Variants in SELENOI observed in about 807,000 individuals in gnomAD.
The protein encoded by SELENOI is ethanolaminephosphotransferase 1.
SELENOI carries 24 observed loss-of-function variants against 50.7 expected under a neutral mutation model. The observed-to-expected ratio is 0.47, with a 90% confidence interval of 0.34 to 0.67. The LOEUF (loss-of-function observed/expected upper bound fraction) is 0.67. Ranked by LOEUF, SELENOI falls within the 30% of genes least tolerant of loss-of-function variation. The pLI, the probability that SELENOI is intolerant of heterozygous loss-of-function variation, is 0.01. For missense variants in SELENOI, 352 were observed against 461.4 expected (o/e 0.76, Z 2.17); for synonymous variants, 155 against 170.2 (o/e 0.91, Z 0.70).
At position 26,370,653 on chromosome 2, in the gene SELENOI, G is replaced by T. The variant is rs1244783022; in HGVS notation, c.311-2714G>T. Among the ~76,000 whole-genome samples the T allele has an allele frequency of 1.1e-4, 12 of 106,578 alleles. 3 individuals are homozygous for T. The East Asian group carries it at 2.0e-3, about 18-fold the overall frequency. The allele number at this position is 106,578 out of a possible 152,430, so 69.9% of individuals were successfully genotyped here. ...TCCCTCCCAGACGGGGCGGCTGGCCGGGCAGAGGGGCTCCTCACGTCCCAG... is the reference window on the plus strand; with the variant it reads ...TCCCTCCCAGACGGGGCGGCTGGCCTGGCAGAGGGGCTCCTCACGTCCCAG... On this transcript the variant is annotated intron_variant, in intron 4 of 9. Transcript: ENST00000260585.
chr2:26,375,471 A>C (rs867108929), intron 6 of SELENOI, among the ~76,000 whole-genome samples: 1 of 152,208 alleles, frequency 6.6e-6, no homozygotes, highest in Non-Finnish European at 1.5e-5. Context: ...ATTTATCTCA[A>C]AGTTGAAAAT....
rs1175873498 is a variant in SELENOI at position 26,391,597 on chromosome 2, G to T, written c.*2494G>T. On this transcript the variant is annotated 3_prime_UTR_variant, in exon 10 of 10. Transcript: ENST00000260585. ...AGCAATGCCATGATAAGGAGCATAC[G>T]TGCATGTTTTCCGTACTTTCAGAAT... 5 of 152,170 alleles carry T rather than the reference G, an allele frequency of 3.3e-5. No individual in the cohort carries two copies. Among genetic ancestry groups the T allele is most frequent in the Non-Finnish European group, 5.9e-5 (4 of 68,048 alleles). The allele number at this position is 152,170 out of a possible 1,614,324, so 9.4% of individuals were successfully genotyped here.
At chr2:26,381,198 CTTTTTTTTTT>C (rs57102834) in intron 6 of SELENOI, among the ~76,000 whole-genome samples, 52 of 30,200 alleles carry the variant, frequency 1.7e-3, no homozygotes, top group African/African-American at 7.0e-3. Context: ...TCAGTTTGGT[CTTTTTTTTTT>C]TTTTTTTTTT....
intron 1 of SELENOI, among the ~76,000 whole-genome samples, chr2:26,358,740 A>T (rs1350968759): frequency 6.6e-6 from 1 of 152,232 alleles, no homozygotes; most frequent in Non-Finnish European, 1.5e-5. Context: ...AAAACTTTAG[A>T]TGCAGTATCA....
intron 1 of SELENOI, among the ~76,000 whole-genome samples, chr2:26,347,422 G>T (rs1250582052): frequency 6.7e-6 from 1 of 149,476 alleles, no homozygotes; most frequent in East Asian, 2.0e-4. Context: ...AATGGATTTT[G>T]TTTAACTCGA....
intron 1 of SELENOI, among the ~76,000 whole-genome samples, chr2:26,357,647 C>T (rs966784523): frequency 2.0e-5 from 3 of 152,174 alleles, no homozygotes; most frequent in African/African-American, 7.2e-5. Context: ...CCAAGCTTGC[C>T]CTCCCTCTTC....
chr2:26,383,656 A>G (rs1677759039), intron 7 of SELENOI, among the ~76,000 whole-genome samples: 2 of 152,260 alleles, frequency 1.3e-5, no homozygotes, highest in African/African-American at 4.8e-5. Context: ...AGGTGGGCGG[A>G]TCACGAGGTC....
rs757002380 is a variant in SELENOI, at chr2:26,346,193, G to A, written c.-40G>A. On this transcript the variant is annotated 5_prime_UTR_variant, in exon 1 of 10. Transcript: ENST00000260585. ...GCTTGTGTGTCACAGCCTTGTAGCCGGGAGTCGCTGCCGAGTGGGCGCTCA... is the reference window on the plus strand; with the variant it reads ...GCTTGTGTGTCACAGCCTTGTAGCCAGGAGTCGCTGCCGAGTGGGCGCTCA... 7 of 1,613,256 alleles carry A rather than the reference G, an allele frequency of 4.3e-6. No homozygotes were observed. In the South Asian group the frequency reaches 4.4e-5, roughly 10 times the overall value.
At chr2:26,384,846 A>G in intron 7 of SELENOI, 113 bp from the exon 8 acceptor site, 1 of 697,024 alleles carries the variant, frequency 1.4e-6, no homozygotes, top group Non-Finnish European at 2.2e-6. Flanking sequence ...ATGCCACAAG[A>G]TTATTGTGAG....
chr2:26,371,430 A>G (rs1375342055), intron 4 of SELENOI, among the ~76,000 whole-genome samples: 2 of 152,076 alleles, frequency 1.3e-5, no homozygotes, highest in African/African-American at 4.8e-5. Context: ...GCGGCCGGGA[A>G]GAGGCGCTCC....
chr2:26,376,945 A>G (rs866922255), intron 6 of SELENOI, among the ~76,000 whole-genome samples: 28 of 151,936 alleles, frequency 1.8e-4, no homozygotes, highest in African/African-American at 5.8e-4. Flanking sequence ...TTCTCTTTTT[A>G]TCTTTGGCTT....
intron 6 of SELENOI, among the ~76,000 whole-genome samples, chr2:26,376,114 A>G (rs1257886132): frequency 2.0e-5 from 3 of 151,232 alleles, no homozygotes; most frequent in Non-Finnish European, 4.4e-5. Flanking sequence ...AAAAAAGAAT[A>G]AATAAAAAAT....
Position 26,367,202 on chromosome 2 carries a change from T to C in SELENOI, c.292T>C (p.Phe98Leu). 6.2e-7 allele frequency: 1 copy of C among 1,610,082 alleles called. No individual in the cohort carries two copies. Among genetic ancestry groups the C allele is most frequent in the Non-Finnish European group, 8.5e-7 (1 of 1,178,170 alleles). Residue 98 changes from phenylalanine (F) to leucine (L), a missense_variant, in exon 4 of 10, where the codon TTC (phenylalanine) becomes CTC (leucine). Phe to Leu is a conservative substitution (Grantham distance 22). Coordinates refer to ENST00000260585, the MANE Select transcript of SELENOI (RefSeq NM_033505.4). ...TTGGATTGTAGTGGGCATCCTCAACTTCGTAGCCTACACTCTAGGTAAGGA... is the reference window on the plus strand; with the variant it reads ...TTGGATTGTAGTGGGCATCCTCAACCTCGTAGCCTACACTCTAGGTAAGGA... ...WVWIVVGILNFVAYTLDGVDG... is the reference protein window; with the variant it reads ...WVWIVVGILNLVAYTLDGVDG...
intron 1 of SELENOI, among the ~76,000 whole-genome samples, chr2:26,362,861 C>T (rs964478409): frequency 2.6e-5 from 4 of 152,106 alleles, no homozygotes; most frequent in African/African-American, 7.2e-5. Context: ...TGTGAACCCT[C>T]AAGGAGGGTT....
chr2:26,363,156 T>G (rs1232400795), intron 1 of SELENOI, among the ~76,000 whole-genome samples: 1 of 152,238 alleles, frequency 6.6e-6, no homozygotes, highest in Admixed American at 6.5e-5. Context: ...CTGTCATTCC[T>G]TTGGTACTTA....
chr2:26,386,298 C>CT, intron 8 of SELENOI, 56 bp from the exon 9 acceptor site: 1 of 1,531,074 alleles, frequency 6.5e-7, no homozygotes, highest in South Asian at 1.2e-5. Context: ...TTTGGAAGTG[C>CT]TTTGCTAATG....
intron 4 of SELENOI, among the ~76,000 whole-genome samples, chr2:26,371,091 G>A (rs1300040683): frequency 6.8e-6 from 1 of 147,072 alleles, no homozygotes; most frequent in African/African-American, 2.5e-5. Context: ...CGGGGCGGCT[G>A]GCCGGGCCAG....
chr2:26,379,998 C>T (rs1181363017), intron 6 of SELENOI, among the ~76,000 whole-genome samples: 7 of 152,178 alleles, frequency 4.6e-5, no homozygotes, highest in Admixed American at 2.0e-4. Flanking sequence ...TTCATCCTTA[C>T]GTCTTATCCC....
intron 6 of SELENOI, among the ~76,000 whole-genome samples, chr2:26,381,983 G>A (rs1050104095): frequency 1.3e-5 from 2 of 152,188 alleles, no homozygotes; most frequent in Non-Finnish European, 2.9e-5. Flanking sequence ...ACATCCAAAT[G>A]AAGTGCCCAG....
Sources: gnomAD v4.1 joint callset for allele counts (sites outside exome capture counted in the v4.1 genomes callset) on GRCh38, gnomAD v4.1.1 for gene constraint, MANE v1.5 for transcripts, NCBI Gene and HGNC (gene_info 2026-07-23, HGNC 2026-07-21) for gene names.